PTPRD: variants seen among roughly 807,000 people sequenced by gnomAD.
PTPRD encodes protein tyrosine phosphatase receptor type D, also known as receptor-type tyrosine-protein phosphatase delta.
In PTPRD, 34 loss-of-function variants were observed where a neutral mutation model predicts 214.5. The observed-to-expected ratio is 0.16, with a 90% CI of 0.12 to 0.21. The LOEUF is 0.21. PTPRD is among the 10% of genes least tolerant of loss of function. PTPRD has a pLI of 1.00. For synonymous variants in PTPRD, 1,128 were observed against 845.7 expected, an observed-to-expected ratio of 1.33 and a Z score of -5.79; for missense variants, 2,545 against 2,398.7, an observed-to-expected ratio of 1.06 and a Z score of -1.27.
At chr9:9,093,021 A>C (rs2099778484) in intron 10 of PTPRD, among the ~76,000 whole-genome samples, 1 of 152,082 alleles carries the variant, frequency 6.6e-6, no homozygotes. Context: ...AGAAAATGCA[A>C]ACACCAATCA....
chr9:8,393,632 G>A (rs1361380848), intron 36 of PTPRD, among the ~76,000 whole-genome samples: 1 of 152,056 alleles, frequency 6.6e-6, no homozygotes, highest in East Asian at 1.9e-4. Context: ...AGGAGTCCAT[G>A]GCTCTACTGC....
At chr9:10,103,226 T>A (rs2098580981) in intron 3 of PTPRD, among the ~76,000 whole-genome samples, 1 of 151,332 alleles carries the variant, frequency 6.6e-6, no homozygotes, top group Non-Finnish European at 1.5e-5. Flanking sequence ...AATTACTTTA[T>A]ATAGCTTGTC....
chr9:10,241,169 A>C (rs1311764760), intron 3 of PTPRD, among the ~76,000 whole-genome samples: 2 of 151,956 alleles, frequency 1.3e-5, no homozygotes, highest in African/African-American at 4.8e-5. Context: ...TACTGATTAC[A>C]TTTGTTAAAA....
intron 3 of PTPRD, among the ~76,000 whole-genome samples, chr9:10,225,252 G>A (rs1029823441): frequency 6.6e-6 from 1 of 151,768 alleles, no homozygotes; most frequent in Non-Finnish European, 1.5e-5. Context: ...ATAATATTTA[G>A]ATCTTATGGT....
intron 2 of PTPRD, among the ~76,000 whole-genome samples, chr9:10,469,294 T>G (rs2099014718): frequency 6.6e-6 from 1 of 152,162 alleles, no homozygotes; most frequent in South Asian, 2.1e-4. Flanking sequence ...GAAAATATTT[T>G]AAAAGTCAGC....
intron 4 of PTPRD, among the ~76,000 whole-genome samples, chr9:9,967,927 T>C (rs542712429): frequency 2.0e-5 from 3 of 152,078 alleles, no homozygotes; most frequent in Non-Finnish European, 4.4e-5. Flanking sequence ...TTATGATACA[T>C]AAACATATTA....
intron 2 of PTPRD, among the ~76,000 whole-genome samples, chr9:10,476,242 C>A (rs2099061809): frequency 6.6e-6 from 1 of 152,140 alleles, no homozygotes; most frequent in South Asian, 2.1e-4. Context: ...ACCCCATAGT[C>A]TCAGCCCAAA....
chr9:9,747,226 T>C (rs2098466861), intron 6 of PTPRD, among the ~76,000 whole-genome samples: 1 of 145,370 alleles, frequency 6.9e-6, no homozygotes, highest in Non-Finnish European at 1.5e-5. Flanking sequence ...CACCTGGGGA[T>C]GCACATTTCA....
At chr9:9,161,060 G>T (rs1451615373) in intron 10 of PTPRD, among the ~76,000 whole-genome samples, 2 of 152,200 alleles carry the variant, frequency 1.3e-5, no homozygotes, top group East Asian at 3.9e-4. Flanking sequence ...CAGGTGGGAT[G>T]GAATGAAGTG....
chr9:8,488,743 A>G (rs1013671013), intron 27 of PTPRD, among the ~76,000 whole-genome samples: 2 of 152,222 alleles, frequency 1.3e-5, no homozygotes, highest in African/African-American at 4.8e-5. Flanking sequence ...GAGCATTTAC[A>G]TGATTTGTCC....
intron 3 of PTPRD, among the ~76,000 whole-genome samples, chr9:10,254,430 T>G (rs1348301482): frequency 6.6e-6 from 1 of 152,122 alleles, no homozygotes; most frequent in Non-Finnish European, 1.5e-5. Context: ...TCCTAGTTTG[T>G]CAAATAGGCA....
chr9:9,294,203 G>C (rs1184609102), intron 9 of PTPRD, among the ~76,000 whole-genome samples: 1 of 151,584 alleles, frequency 6.6e-6, no homozygotes, highest in Non-Finnish European at 1.5e-5. Context: ...CTTATGAATT[G>C]TTTATTTCTG....
chr9:9,095,593 G>T (rs185135205), intron 10 of PTPRD, among the ~76,000 whole-genome samples: 6 of 152,200 alleles, frequency 3.9e-5, no homozygotes, highest in African/African-American at 1.4e-4. Context: ...GTCACCCAAA[G>T]TGTTGGAATT....
At chr9:8,787,366 G>A (rs750617928) in intron 11 of PTPRD, among the ~76,000 whole-genome samples, 1 of 152,046 alleles carries the variant, frequency 6.6e-6, no homozygotes, top group Non-Finnish European at 1.5e-5. Flanking sequence ...TATTAAAAAT[G>A]GGTACTAACC....
chr9:8,611,541 CA>C (rs540498804), intron 14 of PTPRD, among the ~76,000 whole-genome samples: 1 of 151,772 alleles, frequency 6.6e-6, no homozygotes, highest in African/African-American at 2.4e-5. Context: ...CCTGTCTCTA[CA>C]AAAAATACAA....
At chr9:9,384,678 G>T (rs753028733) in intron 9 of PTPRD, among the ~76,000 whole-genome samples, 10 of 151,676 alleles carry the variant, frequency 6.6e-5, no homozygotes, top group African/African-American at 9.7e-5. Context: ...TGTAGTTGTT[G>T]GTTGTTTGCC....
In PTPRD at chr9:9,363,830, C is replaced by T. The variant is rs182751011; in HGVS notation, c.-203+33619G>A. 2.0e-3 allele frequency among the ~76,000 whole-genome samples: 309 copies of T among 151,424 alleles called. 3 individuals are homozygous for T. Among genetic ancestry groups the T allele is most frequent in the African/African-American group, 7.1e-3 (292 of 41,414 alleles). ...TTTGACAACTGAGGGAACTAAGGTC[C>T]AGCGACAGTAAATAACTTTTTTGGT... On this transcript the variant is annotated intron_variant, in intron 9 of 45. Coordinates refer to ENST00000381196, the MANE Select transcript of PTPRD (RefSeq NM_002839.4).
chr9:8,425,899 T>G (rs560309091), intron 35 of PTPRD, among the ~76,000 whole-genome samples: 1 of 152,306 alleles, frequency 6.6e-6, no homozygotes, highest in South Asian at 2.1e-4. Flanking sequence ...TTTTTGATAT[T>G]TTAATGTGGA....
chr9:10,031,647 T>TATACACACACAC lies in PTPRD; in HGVS notation c.-472+2070_-472+2071insGTGTGTGTGTAT. ...CTCCATATATATATATATATATATATACACACACACACACACACATACACA... is the reference window on the plus strand; with the variant it reads ...CTCCATATATATATATATATATATATATACACACACACACACACACACACACACACATACACA... On this transcript the variant is annotated intron_variant, in intron 4 of 45. Coordinates refer to ENST00000381196, the MANE Select transcript of PTPRD (RefSeq NM_002839.4). Among the ~76,000 whole-genome samples the TATACACACACAC allele has an allele frequency of 4.5e-5, 4 of 89,628 alleles. 1 individual carries two copies. The highest frequency in any genetic ancestry group is 4.7e-4 in the East Asian group (1 of 2,136). 58.8% of individuals were successfully genotyped at this position (89,628 alleles called of 152,430 possible).
Sources: gnomAD v4.1 joint callset for allele counts (sites outside exome capture counted in the v4.1 genomes callset) on GRCh38, gnomAD v4.1.1 for gene constraint, MANE v1.5 for transcripts, NCBI Gene and HGNC (gene_info 2026-07-23, HGNC 2026-07-21) for gene names.